The following PHYKPL variants were observed in gnomAD, a reference collection of about 807,000 sequenced individuals.
The protein encoded by PHYKPL is 5-phosphonooxy-L-lysine phospho-lyase.
PHYKPL carries 42 observed loss-of-function variants against 51.3 expected under a neutral mutation model. The ratio of observed to expected loss-of-function variants is 0.82; its 90% CI spans 0.64 to 1.06. The LOEUF (loss-of-function observed/expected upper bound fraction) is 1.06. Ranked by LOEUF, PHYKPL falls within the 50% of genes least tolerant of loss-of-function variation. The probability of loss-of-function intolerance (pLI) is 0.00; values close to 1 mark genes in which losing one functional copy is unlikely to be tolerated. For synonymous variants in PHYKPL, 264 were observed against 236.0 expected, an observed-to-expected ratio of 1.12 and a Z score of -1.09; for missense variants, 655 against 586.6, an observed-to-expected ratio of 1.12 and a Z score of -1.20.
chr5:178,220,144 G>A (rs1251837144), intron 8 of PHYKPL, among the ~76,000 whole-genome samples: 1 of 145,298 alleles, frequency 6.9e-6, no homozygotes, highest in Non-Finnish European at 1.5e-5. Context: ...GCAGTGAGCT[G>A]AGATCGCGTC....
At chr5:178,217,491 G>A (rs901227791) in intron 8 of PHYKPL, among the ~76,000 whole-genome samples, 1 of 150,740 alleles carries the variant, frequency 6.6e-6, no homozygotes, top group Non-Finnish European at 1.5e-5. Context: ...AAAGTGCTAG[G>A]AAATTACAGG....
intron 12 of PHYKPL, chr5:178,210,027 A>C (rs1434849216): frequency 2.0e-6 from 3 of 1,506,118 alleles, no homozygotes; most frequent in Non-Finnish European, 2.7e-6. Context: ...CTTCTGCCTG[A>C]GTTGCCACAG....
chr5:178,214,715 G>A, intron 10 of PHYKPL, 81 bp downstream of exon 10: 2 of 1,291,724 alleles, frequency 1.5e-6, no homozygotes, highest in African/African-American at 1.5e-5. Flanking sequence ...GTACAGATGA[G>A]GCTCCTTTCC....
chr5:178,220,464 C>T (rs1760930650), intron 8 of PHYKPL, among the ~76,000 whole-genome samples: 1 of 152,114 alleles, frequency 6.6e-6, no homozygotes, highest in Non-Finnish European at 1.5e-5. Context: ...CACAGCACTC[C>T]AGCCTGGGCA....
chr5:178,221,940 CTT>C (rs764386434), intron 8 of PHYKPL, among the ~76,000 whole-genome samples: 10 of 152,178 alleles, frequency 6.6e-5, no homozygotes, highest in Non-Finnish European at 1.3e-4. Flanking sequence ...AGGGAAAGCT[CTT>C]GACCCTGTAC....
chr5:178,222,695 G>T, intron 7 of PHYKPL, 115 bp from the exon 8 acceptor site: 1 of 1,355,044 alleles, frequency 7.4e-7, no homozygotes, highest in Non-Finnish European at 1.0e-6. Flanking sequence ...TGGGGACCTT[G>T]GGCAATGGCT....
At chr5:178,227,403 T>C (rs1326243765) in intron 3 of PHYKPL, among the ~76,000 whole-genome samples, 7 of 152,216 alleles carry the variant, frequency 4.6e-5, no homozygotes, top group East Asian at 1.9e-4. Flanking sequence ...GTCTCTGGTA[T>C]TTTCTTATGA....
rs770766161 is a variant in PHYKPL, at chr5:178,222,837, C to T, written c.701+15G>A. The T allele has an allele frequency of 1.5e-5, 25 of 1,613,590 alleles. No homozygotes were observed. The East Asian group carries it at 3.6e-4, about 23-fold the overall frequency. Reference sequence around the variant, plus strand: ...CCCCTGCCCTCCCTAGAGCAGACCCCGCCCACCTACTCACTCTGCCACTTG... The same window carrying T: ...CCCCTGCCCTCCCTAGAGCAGACCCTGCCCACCTACTCACTCTGCCACTTG... On this transcript the variant is annotated intron_variant, in intron 7 of 12. Coordinates refer to ENST00000308158, the MANE Select transcript of PHYKPL (RefSeq NM_153373.4).
At chr5:178,223,018 C>A in intron 6 of PHYKPL, 84 bp from the exon 7 acceptor site, 1 of 1,293,078 alleles carries the variant, frequency 7.7e-7, no homozygotes, top group Non-Finnish European at 1.1e-6. Flanking sequence ...TGGCTTAGTC[C>A]AAGCAAGACA....
chr5:178,230,236 G>A lies in PHYKPL; in HGVS notation c.179-137C>T, dbSNP rs1198057288. The A allele has an allele frequency of 4.7e-6, 5 of 1,065,366 alleles. No individual in the cohort carries two copies. The Admixed American group carries it at 6.8e-5, about 14-fold the overall frequency. 66.0% of individuals were successfully genotyped at this position (1,065,366 alleles called of 1,614,324 possible). ...GAGGTAGAAAGAGGGCAGTCTGAAG[G>A]CAGAGCAGGGAGAGAGAAGCTGGTT... is the stretch of plus-strand genomic sequence containing the variant. On this transcript the variant is annotated intron_variant, in intron 2 of 12. Transcript: ENST00000308158.
chr5:178,212,905 A>G, intron 11 of PHYKPL, 68 bp downstream of exon 11: 1 of 1,587,754 alleles, frequency 6.3e-7, no homozygotes, highest in Non-Finnish European at 8.6e-7. Flanking sequence ...GTTCCATGCT[A>G]GGAGGCTCTA....
intron 3 of PHYKPL, chr5:178,228,507 C>T (rs549983011): frequency 1.4e-6 from 1 of 702,218 alleles, no homozygotes; most frequent in African/African-American, 1.7e-5. Flanking sequence ...AGCACCAGCT[C>T]CCTTCTCTTT....
chr5:178,216,465 CAG>C (rs1425153771), intron 8 of PHYKPL: 1 of 152,216 alleles, frequency 6.6e-6, no homozygotes. Flanking sequence ...GCTAATCAAG[CAG>C]AGACTATAGT....
chr5:178,222,585 G>A lies in PHYKPL; in HGVS notation c.702-5C>T. 6.2e-7 allele frequency: 1 copy of A among 1,613,594 alleles called. No individual in the cohort carries two copies. The highest frequency in any genetic ancestry group is 8.5e-7 in the Non-Finnish European group (1 of 1,179,542). On this transcript the variant is annotated splice_polypyrimidine_tract_variant and splice_region_variant and intron_variant, in intron 7 of 12. Transcript: ENST00000308158. ...CCTCCGGCCTTGCGGATGTGCCTGT[G>A]GCAGAGGAGATGACTGACACGGGGG... is the stretch of plus-strand genomic sequence containing the variant.
At position 178,225,350 on chromosome 5, in the gene PHYKPL, C is replaced by A; in HGVS notation, c.413+5G>T. On this transcript the variant is annotated splice_donor_5th_base_variant and intron_variant, in intron 4 of 12. Coordinates refer to ENST00000308158, the MANE Select transcript of PHYKPL (RefSeq NM_153373.4). ...GGGAACGGTAGGGCTGTGAGTTGCA[C>A]TTACTGATCTAATACCACCACGTCC... The A allele has an allele frequency of 6.2e-7, 1 of 1,614,214 alleles. No homozygotes were observed. The highest frequency in any genetic ancestry group is 1.1e-5 in the South Asian group (1 of 91,080).
At chr5:178,209,054 G>GCCT (rs1456113377) in intron 12 of PHYKPL, 139 bp from the exon 13 acceptor site, 1 of 395,986 alleles carries the variant, frequency 2.5e-6, no homozygotes, top group African/African-American at 2.0e-5. Flanking sequence ...GCTGCAGTTG[G>GCCT]CCCAGTTGCC....
intron 8 of PHYKPL, among the ~76,000 whole-genome samples, chr5:178,219,980 G>GC (rs1211169998): frequency 6.6e-6 from 1 of 151,346 alleles, no homozygotes; most frequent in Non-Finnish European, 1.5e-5. Flanking sequence ...GATCGCTTGA[G>GC]CTCAGGAGTT....
At chr5:178,219,345 CAGACACACACACAT>C (rs1319366212) in intron 8 of PHYKPL, among the ~76,000 whole-genome samples, 2 of 151,446 alleles carry the variant, frequency 1.3e-5, no homozygotes, top group Non-Finnish European at 2.9e-5. Flanking sequence ...CACACACACA[CAGACACACACACAT>C]ACAAACAGAC....
At position 178,231,510 on chromosome 5, in the gene PHYKPL, G is replaced by T; in HGVS notation, c.73C>A (p.Leu25Ile). Residue 25 changes from leucine to isoleucine, a missense_variant, in exon 2 of 13, where the codon CTC becomes ATC. Physicochemically the swap from Leu to Ile is conservative, Grantham distance 5. Coordinates refer to ENST00000308158, the MANE Select transcript of PHYKPL (RefSeq NM_153373.4). Reference protein sequence around the residue: ...RQRLISSSCRLFFPEDPVKIV... With the variant: ...RQRLISSSCRIFFPEDPVKIV... The stretch of plus-strand genomic sequence containing the variant: ...TTAACAGGATCCTCGGGAAAAAAGA[G>T]TCTGCAGGAAGAGCTGTGGGGACAG... 4 of 1,614,200 alleles carry T rather than the reference G, an allele frequency of 2.5e-6. No individual in the cohort carries two copies. Among genetic ancestry groups the T allele is most frequent in the South Asian group, 1.1e-5 (1 of 91,090 alleles).
Sources: gnomAD v4.1 joint callset for allele counts (sites outside exome capture counted in the v4.1 genomes callset) on GRCh38, gnomAD v4.1.1 for gene constraint, MANE v1.5 for transcripts, NCBI Gene and HGNC (gene_info 2026-07-23, HGNC 2026-07-21) for gene names.